Variants in CSMD3 observed in about 807,000 individuals in gnomAD.
CSMD3 encodes the protein CUB and sushi domain-containing protein 3.
A neutral mutation model predicts 435.2 loss-of-function variants in CSMD3; 177 were observed. The observed-to-expected ratio is 0.41, with a 90% CI of 0.36 to 0.46. The LOEUF is 0.46. Ranked by LOEUF, CSMD3 falls within the 20% of genes least tolerant of loss-of-function variation. CSMD3 has a pLI of 0.34. For missense variants in CSMD3, 4,265 were observed against 4,504.6 expected, an observed-to-expected ratio of 0.95 and a Z score of 1.52; for synonymous variants, 1,656 against 1,520.5, an observed-to-expected ratio of 1.09 and a Z score of -2.07.
At chr8:113,099,133 G>C (rs544260757) in intron 4 of CSMD3, among the ~76,000 whole-genome samples, 170 bp from the exon 5 acceptor site, 17 of 151,854 alleles carry the variant, frequency 1.1e-4, no homozygotes, top group Non-Finnish European at 2.5e-4. Context: ...ATGAAAAAAT[G>C]TATCAGCACA....
chr8:112,865,686 CCACACACA>C (rs3220985), intron 10 of CSMD3, among the ~76,000 whole-genome samples: 1 of 43,122 alleles, frequency 2.3e-5, no homozygotes, highest in Non-Finnish European at 5.8e-5. Context: ...TTTACATACC[CCACACACA>C]CACACACACA....
intron 10 of CSMD3, among the ~76,000 whole-genome samples, chr8:112,870,141 C>T (rs576914645): frequency 2.0e-5 from 3 of 151,776 alleles, no homozygotes; most frequent in African/African-American, 4.8e-5. Context: ...ATGCGGCAAA[C>T]ATTTACATGG....
chr8:113,270,733 C>A (rs1467117262), intron 3 of CSMD3, among the ~76,000 whole-genome samples: 1 of 151,850 alleles, frequency 6.6e-6, no homozygotes, highest in Non-Finnish European at 1.5e-5. Flanking sequence ...GGACAAAATA[C>A]CAAACACCGC....
intron 59 of CSMD3, among the ~76,000 whole-genome samples, chr8:112,280,561 C>A (rs1036560675): frequency 2.6e-5 from 4 of 151,972 alleles, no homozygotes; most frequent in Non-Finnish European, 5.9e-5. Flanking sequence ...ATGAAAATAA[C>A]CATAATTTCC....
intron 1 of CSMD3, among the ~76,000 whole-genome samples, chr8:113,408,685 G>C (rs1451077726): frequency 6.9e-6 from 1 of 144,280 alleles, no homozygotes; most frequent in Non-Finnish European, 1.5e-5. Flanking sequence ...ACAGAGTCTT[G>C]CTCGCTCTGT....
chr8:112,728,579 A>C (rs2132000988), intron 13 of CSMD3, among the ~76,000 whole-genome samples: 1 of 152,068 alleles, frequency 6.6e-6, no homozygotes, highest in African/African-American at 2.4e-5. Flanking sequence ...AGTTCTACAT[A>C]ACAAGACCAC....
chr8:112,421,843 T>A (rs1812546487), intron 32 of CSMD3, among the ~76,000 whole-genome samples: 1 of 151,868 alleles, frequency 6.6e-6, no homozygotes, highest in Non-Finnish European at 1.5e-5. Flanking sequence ...TAGTTATCAT[T>A]CATTAAACCC....
In CSMD3 at chr8:112,976,154, G is replaced by C. The variant is rs1463218367; in HGVS notation, c.1031-6C>G. On this transcript the variant is annotated splice_region_variant and splice_polypyrimidine_tract_variant and intron_variant, in intron 6 of 70. Coordinates refer to ENST00000297405, the MANE Select transcript of CSMD3 (RefSeq NM_198123.2). ...GTGGGTCAATGTAGAAGAACCTGTG[G>C]GACACAGTAGCACTAGATGCTAACT... The C allele has an allele frequency of 6.2e-7, 1 of 1,613,656 alleles. No individual in the cohort carries two copies. The highest frequency in any genetic ancestry group is 2.2e-5 in the East Asian group (1 of 44,862).
intron 59 of CSMD3, among the ~76,000 whole-genome samples, chr8:112,270,924 A>G (rs117596752): frequency 8.9e-4 from 136 of 152,256 alleles, no homozygotes; most frequent in Non-Finnish European, 1.7e-3. Context: ...TTTACCACAT[A>G]GTTTAACTAT....
intron 3 of CSMD3, among the ~76,000 whole-genome samples, chr8:113,192,808 T>C (rs561885907): frequency 2.0e-5 from 3 of 149,692 alleles, no homozygotes; most frequent in African/African-American, 7.6e-5. Context: ...GTCCTCCTTT[T>C]TCTTTCAAAT....
At chr8:112,321,192 A>C (rs564564195) in intron 45 of CSMD3, among the ~76,000 whole-genome samples, 2 of 149,314 alleles carry the variant, frequency 1.3e-5, no homozygotes, top group South Asian at 4.1e-4. Context: ...TTACTACTTA[A>C]ACTTAGAAGT....
At chr8:113,241,437 A>G (rs370913720) in intron 3 of CSMD3, among the ~76,000 whole-genome samples, 7 of 152,176 alleles carry the variant, frequency 4.6e-5, no homozygotes, top group African/African-American at 1.7e-4. Flanking sequence ...ACGTTGATCT[A>G]TTTCATCACA....
At chr8:113,048,124 G>C (rs1442704203) in intron 5 of CSMD3, among the ~76,000 whole-genome samples, 2 of 130,196 alleles carry the variant, frequency 1.5e-5, no homozygotes, top group African/African-American at 3.0e-5. Context: ...ACCGAGTCTC[G>C]CTCTGTCGCC....
intron 2 of CSMD3, among the ~76,000 whole-genome samples, chr8:113,298,379 T>C (rs1271329610): frequency 6.6e-6 from 1 of 152,120 alleles, no homozygotes; most frequent in Non-Finnish European, 1.5e-5. Context: ...TTTATAACAT[T>C]AGCACTTCAA....
At chr8:113,146,849 A>C (rs1433092112) in intron 4 of CSMD3, among the ~76,000 whole-genome samples, 1 of 151,690 alleles carries the variant, frequency 6.6e-6, no homozygotes, top group African/African-American at 2.4e-5. Flanking sequence ...AGAAATACTG[A>C]GGTATAAGGA....
chr8:112,602,566 C>CAAA (rs199693088), intron 22 of CSMD3, among the ~76,000 whole-genome samples: 2 of 125,082 alleles, frequency 1.6e-5, no homozygotes, highest in Non-Finnish European at 3.5e-5. Flanking sequence ...AACTCTGTCT[C>CAAA]AAAAAAAAAA....
intron 27 of CSMD3, among the ~76,000 whole-genome samples, chr8:112,548,508 C>A (rs993110552): frequency 3.9e-5 from 6 of 152,080 alleles, no homozygotes; most frequent in Admixed American, 1.3e-4. Flanking sequence ...AGTTATCACT[C>A]CAGGCATCTG....
chr8:112,664,899 G>A (rs1045249360), intron 17 of CSMD3, among the ~76,000 whole-genome samples: 2 of 152,122 alleles, frequency 1.3e-5, no homozygotes, highest in Non-Finnish European at 1.5e-5. Flanking sequence ...TTTATCTCAT[G>A]CAGTCTGTGA....
intron 2 of CSMD3, among the ~76,000 whole-genome samples, chr8:113,281,079 T>G (rs536616974): frequency 5.9e-5 from 9 of 151,926 alleles, no homozygotes; most frequent in Admixed American, 2.6e-4. Flanking sequence ...GCCTATCATG[T>G]AGTCTATCTA....
Sources: gnomAD v4.1 joint callset for allele counts (sites outside exome capture counted in the v4.1 genomes callset) on GRCh38, gnomAD v4.1.1 for gene constraint, MANE v1.5 for transcripts, NCBI Gene and HGNC (gene_info 2026-07-23, HGNC 2026-07-21) for gene names.